CHD9: variants seen among roughly 807,000 people sequenced by gnomAD.
CHD9 encodes chromodomain helicase DNA binding protein 9.
CHD9 carries 77 observed loss-of-function variants against 316.1 expected under a neutral mutation model. The ratio of observed to expected loss-of-function variants is 0.24; its 90% CI spans 0.20 to 0.29. The LOEUF (loss-of-function observed/expected upper bound fraction) is 0.29. CHD9 is among the 10% of genes least tolerant of loss of function. CHD9 has a pLI of 1.00. For missense variants in CHD9, 2,763 were observed against 3,438.1 expected, an observed-to-expected ratio of 0.80 and a Z score of 4.91; for synonymous variants, 1,129 against 1,158.3, an observed-to-expected ratio of 0.97 and a Z score of 0.51.
At chr16:53,208,044 G>A (rs1192696275) in intron 2 of CHD9, 2 of 993,962 alleles carry the variant, frequency 2.0e-6, no homozygotes, top group African/African-American at 3.5e-5. Flanking sequence ...GTGCTTTGTT[G>A]GAATCTGGCT....
chr16:53,205,014 G>T (rs893516797), intron 2 of CHD9, among the ~76,000 whole-genome samples: 1 of 151,912 alleles, frequency 6.6e-6, no homozygotes, highest in Non-Finnish European at 1.5e-5. Flanking sequence ...GCTAGTTTTT[G>T]TATTTTTAGT....
intron 30 of CHD9, among the ~76,000 whole-genome samples, chr16:53,301,767 C>CTTTTTTTTTTTTTT (rs199846098): frequency 7.9e-6 from 1 of 126,232 alleles, no homozygotes. Context: ...TCTTTTTTTT[C>CTTTTTTTTTTTTTT]TTTTTTTTTT....
At chr16:53,222,268 G>A (rs944855771) in intron 3 of CHD9, among the ~76,000 whole-genome samples, 4 of 152,024 alleles carry the variant, frequency 2.6e-5, no homozygotes, top group African/African-American at 9.7e-5. Flanking sequence ...GTAGAGATGG[G>A]TTTCACCATG....
chr16:53,131,464 C>T (rs2039302789), intron 1 of CHD9, among the ~76,000 whole-genome samples: 1 of 147,300 alleles, frequency 6.8e-6, no homozygotes, highest in Non-Finnish European at 1.5e-5. Flanking sequence ...GCGCTGCCTG[C>T]ACGTGCGGCC....
In CHD9 at chr16:53,157,118, A is replaced by T. The variant is rs756210035; in HGVS notation, c.1029A>T (p.Ser343=). ...NSNNFQILHS[S]HPQGNYSNSK... ...ATAATTTCCAAATATTGCATTCATCACATCCTCAGGGTAATTATAGCAATT... is the reference window on the plus strand; with the variant it reads ...ATAATTTCCAAATATTGCATTCATCTCATCCTCAGGGTAATTATAGCAATT... Residue 343 remains serine, a synonymous_variant, in exon 2 of 39, where the codon TCA becomes TCT. Transcript: ENST00000447540. 2 of 1,611,086 alleles carry T rather than the reference A, an allele frequency of 1.2e-6. No homozygotes were observed. Among genetic ancestry groups the T allele is most frequent in the South Asian group, 2.2e-5 (2 of 90,802 alleles).
intron 33 of CHD9, 144 bp from the exon 34 acceptor site, chr16:53,308,542 C>T (rs6499550): frequency 0.31 from 191,919 of 620,484 alleles, 30,282 homozygotes; most frequent in Middle Eastern, 0.38. Context: ...TTTTATTTGA[C>T]TGATTTATGA....
At chr16:53,320,454 G>A (rs997803988) in intron 37 of CHD9, among the ~76,000 whole-genome samples, 2 of 151,986 alleles carry the variant, frequency 1.3e-5, no homozygotes, top group African/African-American at 2.4e-5. Flanking sequence ...CTTGAAAGTC[G>A]GAAGTTGCAG....
chr16:53,222,145 T>G (rs1421010065), intron 3 of CHD9, among the ~76,000 whole-genome samples: 1 of 152,064 alleles, frequency 6.6e-6, no homozygotes, highest in Non-Finnish European at 1.5e-5. Flanking sequence ...GGTGCGGTCT[T>G]GGCTCACTGC....
intron 24 of CHD9, among the ~76,000 whole-genome samples, chr16:53,277,075 A>G (rs2052914343): frequency 6.6e-6 from 1 of 152,186 alleles, no homozygotes; most frequent in African/African-American, 2.4e-5. Flanking sequence ...GATACCCTAA[A>G]CAGACAAAGA....
intron 5 of CHD9, 65 bp downstream of exon 5, chr16:53,226,577 C>A: frequency 6.6e-7 from 1 of 1,523,302 alleles, no homozygotes; most frequent in Non-Finnish European, 8.8e-7. Context: ...TAAATACTTG[C>A]ATTGTTTTTC....
At chr16:53,142,079 TATG>T (rs2040159324) in intron 1 of CHD9, among the ~76,000 whole-genome samples, 1 of 152,314 alleles carries the variant, frequency 6.6e-6, no homozygotes, top group South Asian at 2.1e-4. Flanking sequence ...TATCATAAAA[TATG>T]ATATTGTTGA....
intron 2 of CHD9, chr16:53,169,386 A>G (rs1213743522): frequency 6.6e-6 from 1 of 152,130 alleles, no homozygotes; most frequent in African/African-American, 2.4e-5. Context: ...CTAGATCTCA[A>G]CTGGTGTTTT....
At chr16:53,264,728 A>C (rs1208692304) in intron 20 of CHD9, among the ~76,000 whole-genome samples, 1 of 152,152 alleles carries the variant, frequency 6.6e-6, no homozygotes, top group East Asian at 1.9e-4. Flanking sequence ...GATTATCTGC[A>C]CGGAGACTTG....
Position 53,249,792 on chromosome 16 carries a change from A to ACG in CHD9, c.3666-78_3666-77insGC, listed in dbSNP as rs1426266019. On this transcript the variant is annotated intron_variant, in intron 16 of 38. Transcript: ENST00000447540. Reference sequence around the variant, plus strand: ...AGAGAAAACATAATGCTGCAGGAAAACTGACTTTACATTTGATAGAATATG... The same window carrying ACG: ...AGAGAAAACATAATGCTGCAGGAAAACGCTGACTTTACATTTGATAGAATATG... The ACG allele has an allele frequency of 4.4e-6, 5 of 1,145,320 alleles. No homozygotes were observed. The East Asian group carries it at 1.2e-4, about 28-fold the overall frequency. 70.9% of individuals were successfully genotyped at this position (1,145,320 alleles called of 1,614,324 possible).
rs753006452 is a variant in CHD9 at position 53,297,154 on chromosome 16, A to G, written c.5709A>G (p.Lys1903=). The G allele has an allele frequency of 5.6e-6, 9 of 1,611,152 alleles. No homozygotes were observed. Among genetic ancestry groups the G allele is most frequent in the Non-Finnish European group, 5.9e-6 (7 of 1,177,854 alleles). ...MCRRVCRLPS[K]EELVDPNIFI... ...GGAGGGTTTGTCGTCTTCCTTCCAA[A>G]GAAGGTATGTATAAAATTTCTTTTT... Residue 1903 remains lysine, a synonymous_variant, in exon 30 of 39, where the codon AAA becomes AAG. Coordinates refer to ENST00000447540, the MANE Select transcript of CHD9 (RefSeq NM_001308319.2).
At chr16:53,091,502 C>A (rs2035939745) in intron 1 of CHD9, among the ~76,000 whole-genome samples, 1 of 152,218 alleles carries the variant, frequency 6.6e-6, no homozygotes. Flanking sequence ...CATGGGTGTA[C>A]TCACAGGGAG....
intron 1 of CHD9, among the ~76,000 whole-genome samples, chr16:53,113,947 C>T (rs944160360): frequency 4.6e-5 from 7 of 151,970 alleles, no homozygotes; most frequent in Admixed American, 1.3e-4. Flanking sequence ...GCCTCACCTC[C>T]CACCTTGGCT....
At chr16:53,281,583 C>G (rs563418765) in intron 24 of CHD9, among the ~76,000 whole-genome samples, 1 of 152,166 alleles carries the variant, frequency 6.6e-6, no homozygotes, top group Non-Finnish European at 1.5e-5. Context: ...CTCCTTAACA[C>G]CCTCCAGATG....
intron 1 of CHD9, among the ~76,000 whole-genome samples, chr16:53,130,160 G>A (rs767114393): frequency 6.6e-6 from 1 of 152,056 alleles, no homozygotes; most frequent in Non-Finnish European, 1.5e-5. Context: ...AGCTCGCGGC[G>A]TGGAGCTGGG....
Sources: gnomAD v4.1 joint callset for allele counts (sites outside exome capture counted in the v4.1 genomes callset) on GRCh38, gnomAD v4.1.1 for gene constraint, MANE v1.5 for transcripts, NCBI Gene and HGNC (gene_info 2026-07-23, HGNC 2026-07-21) for gene names.